The following SKAP1 variants were observed in gnomAD, a reference collection of about 807,000 sequenced individuals.
The protein encoded by SKAP1 is src kinase-associated phosphoprotein 1.
A neutral mutation model predicts 58.5 loss-of-function variants in SKAP1; 44 were observed. The ratio of observed to expected loss-of-function variants is 0.75; its 90% CI spans 0.59 to 0.97. The LOEUF is 0.97. Among genes scored for constraint, SKAP1 ranks in the 50% least tolerant of loss-of-function variants. The pLI is 0.00. For missense variants in SKAP1, 390 were observed against 435.2 expected (o/e 0.90, Z 0.92); for synonymous variants, 127 against 149.7 (o/e 0.85, Z 1.11).
At chr17:48,392,862 A>AAT (rs60586781) in intron 2 of SKAP1, among the ~76,000 whole-genome samples, 12,100 of 147,188 alleles carry the variant, frequency 0.082, 735 homozygotes, top group Admixed American at 0.15. Context: ...TCTCAAAAAA[A>AAT]ATATATATAT....
At chr17:48,409,619 G>A (rs2067636138) in intron 1 of SKAP1, among the ~76,000 whole-genome samples, 1 of 145,452 alleles carries the variant, frequency 6.9e-6, no homozygotes, top group Non-Finnish European at 1.5e-5. Flanking sequence ...AGTGAGCCGA[G>A]ATTGTGCCAC....
chr17:48,348,621 A>G (rs916441696), intron 3 of SKAP1, among the ~76,000 whole-genome samples: 2 of 151,870 alleles, frequency 1.3e-5, no homozygotes, highest in Non-Finnish European at 2.9e-5. Flanking sequence ...TAAACTACAG[A>G]CTCTATTTGG....
At chr17:48,258,545 C>T (rs542425179) in intron 4 of SKAP1, among the ~76,000 whole-genome samples, 3 of 151,976 alleles carry the variant, frequency 2.0e-5, no homozygotes, top group African/African-American at 4.8e-5. Flanking sequence ...TTACTGGTGC[C>T]GTTAAGGAAA....
chr17:48,185,126 A>T (rs1157039343), intron 6 of SKAP1: 1 of 327,946 alleles, frequency 3.0e-6, no homozygotes, highest in Non-Finnish European at 5.5e-6. Context: ...ATCTATAACA[A>T]CAGAAAGAAG....
chr17:48,332,687 C>A (rs1206768941), intron 4 of SKAP1, among the ~76,000 whole-genome samples: 1 of 152,040 alleles, frequency 6.6e-6, no homozygotes, highest in Non-Finnish European at 1.5e-5. Flanking sequence ...TCTAACTCTG[C>A]AGATATAGCT....
At chr17:48,295,127 C>T (rs1255752874) in intron 4 of SKAP1, among the ~76,000 whole-genome samples, 1 of 152,108 alleles carries the variant, frequency 6.6e-6, no homozygotes. Flanking sequence ...CTGTAGAAAG[C>T]CCTCTGCTAG....
Position 48,180,339 on chromosome 17 carries a change from G to C in SKAP1, c.632-91C>G, listed in dbSNP as rs186019643. On this transcript the variant is annotated intron_variant, in intron 8 of 12. Transcript: ENST00000336915. ...GAGGGAGAAGGAGGAGGAGGGATGA[G>C]AGTAAAATATGTCAAATGAAAATGA... is the stretch of plus-strand genomic sequence containing the variant. 13 of 918,666 alleles carry C rather than the reference G, an allele frequency of 1.4e-5. No homozygotes were observed. In the Admixed American group the frequency reaches 2.4e-4, roughly 17 times the overall value. The allele number at this position is 918,666 out of a possible 1,614,324, so 56.9% of individuals were successfully genotyped here.
intron 4 of SKAP1, among the ~76,000 whole-genome samples, chr17:48,217,687 A>G (rs2064956867): frequency 6.6e-6 from 1 of 152,108 alleles, no homozygotes. Flanking sequence ...GGTAAAAATT[A>G]TATGGAGTCC....
At chr17:48,404,818 CAA>C (rs1177577257) in intron 1 of SKAP1, among the ~76,000 whole-genome samples, 2 of 151,898 alleles carry the variant, frequency 1.3e-5, no homozygotes, top group African/African-American at 4.8e-5. Context: ...AAAAATTACA[CAA>C]GTTTAATTAC....
intron 4 of SKAP1, among the ~76,000 whole-genome samples, chr17:48,197,969 C>T (rs1212971717): frequency 6.6e-6 from 1 of 152,120 alleles, no homozygotes; most frequent in Non-Finnish European, 1.5e-5. Context: ...CCTTCTAACT[C>T]CAAGCATGGT....
chr17:48,248,364 C>T (rs867476557), intron 4 of SKAP1, among the ~76,000 whole-genome samples: 83 of 152,084 alleles, frequency 5.5e-4, no homozygotes, highest in Middle Eastern at 3.4e-3. Flanking sequence ...ATCAGCAGTT[C>T]GAGACCAGCC....
At chr17:48,430,272 C>A (rs1231037206), upstream of SKAP1, 1 of 474,152 alleles carries the variant, frequency 2.1e-6, no homozygotes, top group East Asian at 4.7e-5. Flanking sequence ...CGTGGGTCCC[C>A]GGGCGCGTCA....
intron 2 of SKAP1, among the ~76,000 whole-genome samples, chr17:48,377,582 A>C (rs1308708197): frequency 6.6e-6 from 1 of 151,700 alleles, no homozygotes; most frequent in Non-Finnish European, 1.5e-5. Flanking sequence ...TGTCTCAAAA[A>C]AAAAAAAAAA....
At chr17:48,378,879 T>C (rs951436571) in intron 2 of SKAP1, among the ~76,000 whole-genome samples, 1 of 152,162 alleles carries the variant, frequency 6.6e-6, no homozygotes, top group African/African-American at 2.4e-5. Context: ...AGTATGAGAC[T>C]CATTCAGTAT....
At chr17:48,413,673 C>T (rs1007609089) in intron 1 of SKAP1, among the ~76,000 whole-genome samples, 2 of 151,500 alleles carry the variant, frequency 1.3e-5, no homozygotes, top group African/African-American at 4.9e-5. Context: ...TATATTACCT[C>T]CTTTATTTAA....
At chr17:48,182,324 A>G (rs954029788) in intron 8 of SKAP1, 70 bp downstream of exon 8, 284 of 1,133,322 alleles carry the variant, frequency 2.5e-4, no homozygotes, top group Non-Finnish European at 3.6e-4. Flanking sequence ...AAGTCTGTAG[A>G]TTATATTTAT....
chr17:48,355,168 A>G (rs2066859200), intron 3 of SKAP1, among the ~76,000 whole-genome samples: 1 of 152,252 alleles, frequency 6.6e-6, no homozygotes, highest in Non-Finnish European at 1.5e-5. Flanking sequence ...TGTGAAGACG[A>G]AAATCTGAAG....
intron 4 of SKAP1, among the ~76,000 whole-genome samples, chr17:48,217,192 C>T (rs987175551): frequency 6.6e-6 from 1 of 151,800 alleles, no homozygotes; most frequent in African/African-American, 2.4e-5. Flanking sequence ...ATTTTCAGGC[C>T]CCTTAAATCA....
At chr17:48,390,295 C>A (rs150238502) in intron 2 of SKAP1, among the ~76,000 whole-genome samples, 6 of 152,102 alleles carry the variant, frequency 3.9e-5, no homozygotes, top group African/African-American at 1.2e-4. Context: ...TTTCCTTAAA[C>A]AGAGAAAATA....
Sources: gnomAD v4.1 joint callset for allele counts (sites outside exome capture counted in the v4.1 genomes callset) on GRCh38, gnomAD v4.1.1 for gene constraint, MANE v1.5 for transcripts, NCBI Gene and HGNC (gene_info 2026-07-23, HGNC 2026-07-21) for gene names.